The following OPA1 variants were observed in gnomAD, a reference collection of about 807,000 sequenced individuals.
OPA1 encodes OPA1 mitochondrial dynamin like GTPase, also known as dynamin-like GTPase OPA1, mitochondrial.
Under a neutral mutation model 152.9 loss-of-function variants are expected in OPA1, and 59 were observed. The observed-to-expected ratio is 0.39, with a 90% CI of 0.31 to 0.48. The LOEUF (loss-of-function observed/expected upper bound fraction) is 0.48. OPA1 is among the 20% of genes least tolerant of loss of function. OPA1 has a pLI of 0.96. For missense variants in OPA1, 1,008 were observed against 1,216.8 expected, an observed-to-expected ratio of 0.83 and a Z score of 2.55; for synonymous variants, 400 against 389.9, an observed-to-expected ratio of 1.03 and a Z score of -0.31.
rs1722295552 is a variant in OPA1 at position 193,696,925 on chromosome 3, G to C, written c.*2325G>C. 1 of 152,242 alleles carries C rather than the reference G, an allele frequency of 6.6e-6. No individual in the cohort carries two copies. The highest frequency in any genetic ancestry group is 6.5e-5 in the Admixed American group (1 of 15,282). 9.4% of individuals were successfully genotyped at this position (152,242 alleles called of 1,614,324 possible). On this transcript the variant is annotated 3_prime_UTR_variant, in exon 31 of 31. Transcript: ENST00000361510. ...TCCCCGTTTAACCCACTGTGCTATA[G>C]TTGCGGGTGGAACAGTCAACCTTTC...
chr3:193,622,739 C>T (rs950486401), intron 6 of OPA1, among the ~76,000 whole-genome samples: 20 of 152,174 alleles, frequency 1.3e-4, no homozygotes, highest in African/African-American at 4.6e-4. Flanking sequence ...TACATTCTTA[C>T]TATCTAATCG....
In OPA1 at chr3:193,648,144, G is replaced by C; in HGVS notation, c.1935+10G>C. 6.3e-7 allele frequency: 1 copy of C among 1,584,800 alleles called. No homozygotes were observed. Among genetic ancestry groups the C allele is most frequent in the Non-Finnish European group, 8.7e-7 (1 of 1,153,562 alleles). ...GCGGGAACTTGACCGGGTAATATTT[G>C]GATACTCGTGTATTTTGTATATATC... is the stretch of plus-strand genomic sequence containing the variant. On this transcript the variant is annotated intron_variant, in intron 20 of 30. Transcript: ENST00000361510.
At chr3:193,677,342 A>G (rs1004940884) in intron 29 of OPA1, among the ~76,000 whole-genome samples, 5 of 136,266 alleles carry the variant, frequency 3.7e-5, no homozygotes, top group African/African-American at 1.1e-4. Flanking sequence ...TGCCCAGGCT[A>G]GAGTGCAGTG....
In OPA1 at chr3:193,608,304, A is replaced by G. The variant is rs139084226; in HGVS notation, c.33-6419A>G. ...TTTTAATTGTGACGTTAGGGTGTCA[A>G]TTTTAGATCTTTCCTACTTTCTCTT... On this transcript the variant is annotated intron_variant, in intron 1 of 30. Transcript: ENST00000361510. Among the ~76,000 whole-genome samples the G allele has an allele frequency of 3.9e-5, 6 of 152,216 alleles. No individual in the cohort carries two copies. The East Asian group carries it at 9.7e-4, about 24-fold the overall frequency.
At chr3:193,601,864 C>T (rs2108798880) in intron 1 of OPA1, among the ~76,000 whole-genome samples, 1 of 152,224 alleles carries the variant, frequency 6.6e-6, no homozygotes, top group East Asian at 1.9e-4. Flanking sequence ...CTTGGGGTTT[C>T]AGGGTGACTC....
intron 29 of OPA1, among the ~76,000 whole-genome samples, chr3:193,678,621 A>G (rs1719584624): frequency 6.6e-6 from 1 of 152,130 alleles, no homozygotes; most frequent in Non-Finnish European, 1.5e-5. Context: ...AGAAATGTTC[A>G]TTAAGAGGAA....
chr3:193,656,359 T>A (rs1370033729), intron 22 of OPA1, among the ~76,000 whole-genome samples: 1 of 152,194 alleles, frequency 6.6e-6, no homozygotes, highest in African/African-American at 2.4e-5. Context: ...CTTTCTTTTT[T>A]AAAATGAGAG....
intron 1 of OPA1, among the ~76,000 whole-genome samples, chr3:193,614,213 T>C (rs539095797): frequency 1.3e-5 from 2 of 152,238 alleles, no homozygotes; most frequent in South Asian, 4.1e-4. Context: ...TCGGGAGACA[T>C]AGATGAAGGT....
chr3:193,677,272 A>AT (rs1048200205), intron 29 of OPA1, among the ~76,000 whole-genome samples: 1 of 141,650 alleles, frequency 7.1e-6, no homozygotes, highest in Admixed American at 7.1e-5. Context: ...CCAGTGCACA[A>AT]TTTTTTTTTC....
At chr3:193,660,836 C>T (rs553934608) in intron 25 of OPA1, among the ~76,000 whole-genome samples, 15 of 152,078 alleles carry the variant, frequency 9.9e-5, no homozygotes, top group African/African-American at 3.6e-4. Context: ...TACAGATGGG[C>T]CGAGAGAAGG....
At chr3:193,613,478 CAA>C (rs948982306) in intron 1 of OPA1, among the ~76,000 whole-genome samples, 4 of 152,152 alleles carry the variant, frequency 2.6e-5, no homozygotes, top group African/African-American at 4.8e-5. Context: ...TATAGGAACA[CAA>C]GAGATACCGC....
intron 7 of OPA1, 140 bp from the exon 8 acceptor site, chr3:193,631,472 C>G (rs1732058060): frequency 5.1e-6 from 3 of 591,362 alleles, no homozygotes; most frequent in Non-Finnish European, 8.9e-6. Context: ...TCTTAAATCA[C>G]TTGATTTAAA....
At chr3:193,675,733 A>T (rs1718858734) in intron 29 of OPA1, among the ~76,000 whole-genome samples, 1 of 152,236 alleles carries the variant, frequency 6.6e-6, no homozygotes, top group African/African-American at 2.4e-5. Context: ...AAACATTTTC[A>T]TGTCTATCAC....
At chr3:193,672,302 C>A (rs553146873) in intron 29 of OPA1, among the ~76,000 whole-genome samples, 1 of 152,270 alleles carries the variant, frequency 6.6e-6, no homozygotes, top group South Asian at 2.1e-4. Flanking sequence ...ACCTCAGAAA[C>A]TAAGTATCTG....
intron 1 of OPA1, among the ~76,000 whole-genome samples, chr3:193,593,963 G>C (rs918792413): frequency 1.3e-5 from 2 of 152,144 alleles, no homozygotes; most frequent in Admixed American, 6.5e-5. Flanking sequence ...CACGGTGTCA[G>C]AGACGGTGAT....
At chr3:193,607,128 TGTAA>T (rs2108822949) in intron 1 of OPA1, among the ~76,000 whole-genome samples, 1 of 152,350 alleles carries the variant, frequency 6.6e-6, no homozygotes, top group African/African-American at 2.4e-5. Flanking sequence ...GTTTTTCTCT[TGTAA>T]GTTTGTTTGA....
intron 29 of OPA1, among the ~76,000 whole-genome samples, chr3:193,678,939 C>T (rs1719652668): frequency 6.6e-6 from 1 of 152,148 alleles, no homozygotes; most frequent in Non-Finnish European, 1.5e-5. Flanking sequence ...CTCACTTCTA[C>T]TGAAGTTGTT....
At chr3:193,625,016 T>C (rs1030791000) in intron 6 of OPA1, among the ~76,000 whole-genome samples, 1 of 152,130 alleles carries the variant, frequency 6.6e-6, no homozygotes, top group African/African-American at 2.4e-5. Flanking sequence ...CTTAAACAAA[T>C]GGTTACCTCC....
intron 7 of OPA1, among the ~76,000 whole-genome samples, chr3:193,628,978 A>G (rs183432081): frequency 2.6e-4 from 39 of 152,248 alleles, no homozygotes; most frequent in African/African-American, 9.1e-4. Context: ...CAGTGGCACT[A>G]TCTCAGCTCA....
Sources: gnomAD v4.1 joint callset for allele counts (sites outside exome capture counted in the v4.1 genomes callset) on GRCh38, gnomAD v4.1.1 for gene constraint, MANE v1.5 for transcripts, NCBI Gene and HGNC (gene_info 2026-07-23, HGNC 2026-07-21) for gene names.